PLCH1: variants seen among roughly 807,000 people sequenced by gnomAD.
PLCH1 encodes phospholipase C eta 1.
In PLCH1, 60 loss-of-function variants were observed where a neutral mutation model predicts 126.7. The ratio of observed to expected loss-of-function variants is 0.47; its 90% CI spans 0.38 to 0.59. The LOEUF is 0.59. Ranked by LOEUF, PLCH1 falls within the 20% of genes least tolerant of loss-of-function variation. The probability of loss-of-function intolerance (pLI) is 0.00; values close to 1 mark genes in which losing one functional copy is unlikely to be tolerated. For missense variants in PLCH1, 1,723 were observed against 2,040.0 expected, an observed-to-expected ratio of 0.84 and a Z score of 2.99; for synonymous variants, 719 against 734.9, an observed-to-expected ratio of 0.98 and a Z score of 0.35.
At chr3:155,603,773 C>T (rs1330985322) in intron 2 of PLCH1, among the ~76,000 whole-genome samples, 4 of 151,882 alleles carry the variant, frequency 2.6e-5, no homozygotes, top group Admixed American at 6.6e-5. Context: ...TTACTACAGA[C>T]ATGATTTTTT....
chr3:155,705,356 C>G (rs1274519129), intron 1 of PLCH1, among the ~76,000 whole-genome samples: 4 of 152,138 alleles, frequency 2.6e-5, no homozygotes, highest in Admixed American at 6.5e-5. Context: ...TAATTCCTGC[C>G]TATCCTGCCT....
At chr3:155,462,257 C>G (rs1301204782) in intron 21 of PLCH1, among the ~76,000 whole-genome samples, 1 of 152,114 alleles carries the variant, frequency 6.6e-6, no homozygotes, top group African/African-American at 2.4e-5. Flanking sequence ...TGAGGCACCT[C>G]GTGGCGACTC....
chr3:155,633,026 T>C (rs1738234949), intron 2 of PLCH1, among the ~76,000 whole-genome samples: 1 of 152,174 alleles, frequency 6.6e-6, no homozygotes, highest in African/African-American at 2.4e-5. Flanking sequence ...GATTTTTCCC[T>C]TCCCTGAGTG....
At chr3:155,604,065 C>T (rs1328255743) in intron 2 of PLCH1, among the ~76,000 whole-genome samples, 1 of 152,112 alleles carries the variant, frequency 6.6e-6, no homozygotes, top group Non-Finnish European at 1.5e-5. Context: ...CACCATTGCA[C>T]CCCAGCCTGG....
intron 6 of PLCH1, among the ~76,000 whole-genome samples, chr3:155,582,674 A>T (rs1035678711): frequency 3.9e-5 from 6 of 152,206 alleles, no homozygotes; most frequent in African/African-American, 1.4e-4. Context: ...TATTAAGACG[A>T]TTGGTCCATT....
At chr3:155,643,421 T>C (rs1343027740) in intron 2 of PLCH1, among the ~76,000 whole-genome samples, 3 of 152,172 alleles carry the variant, frequency 2.0e-5, no homozygotes, top group Non-Finnish European at 4.4e-5. Flanking sequence ...TATATACTCA[T>C]GACATACCCT....
At chr3:155,537,190 A>AAC (rs1723483850) in intron 10 of PLCH1, among the ~76,000 whole-genome samples, 1 of 31,450 alleles carries the variant, frequency 3.2e-5, no homozygotes, top group African/African-American at 1.2e-4. Context: ...GCACTACAAA[A>AAC]AAAAAAAAAA....
chr3:155,596,892 G>A (rs1389505366), intron 2 of PLCH1, among the ~76,000 whole-genome samples: 1 of 152,150 alleles, frequency 6.6e-6, no homozygotes, highest in Non-Finnish European at 1.5e-5. Context: ...ATAAATTTCT[G>A]TAAATGTAAT....
chr3:155,664,829 A>AT (rs1313945323), intron 2 of PLCH1, among the ~76,000 whole-genome samples: 1 of 152,222 alleles, frequency 6.6e-6, no homozygotes. Flanking sequence ...CATTTTATAA[A>AT]TAAGAAAACT....
chr3:155,696,400 A>G (rs1407300606), intron 2 of PLCH1, among the ~76,000 whole-genome samples: 1 of 152,212 alleles, frequency 6.6e-6, no homozygotes, highest in Non-Finnish European at 1.5e-5. Flanking sequence ...ATCCAAGGAA[A>G]AAAATCTAGA....
chr3:155,489,656 A>C (rs1299643799), intron 19 of PLCH1, among the ~76,000 whole-genome samples: 1 of 152,220 alleles, frequency 6.6e-6, no homozygotes, highest in Non-Finnish European at 1.5e-5. Context: ...AAATAAGTTA[A>C]TAAGGTATAT....
chr3:155,482,629 T>C lies in PLCH1; in HGVS notation c.3397A>G (p.Asn1133Asp). ...SNLEIKNLEG[N>D]RGKGRAATSF... The stretch of plus-strand genomic sequence containing the variant: ...GTTGCAGCTCGGCCCTTACCCCTAT[T>C]ACCTTCCAGGTTCTTAATTTCTAGG... Residue 1133 changes from asparagine (N) to aspartate (D), a missense_variant, in exon 23 of 23, where the codon AAT (asparagine) becomes GAT (aspartate). Asn to Asp is a conservative substitution (Grantham distance 23). Coordinates refer to ENST00000460012, the MANE Select transcript of PLCH1 (RefSeq NM_014996.4). 2 of 1,614,172 alleles carry C rather than the reference T, an allele frequency of 1.2e-6. No homozygotes were observed. The highest frequency in any genetic ancestry group is 1.1e-5 in the South Asian group (1 of 91,084).
At chr3:155,594,586 ATAAG>A (rs1208433809) in intron 3 of PLCH1, among the ~76,000 whole-genome samples, 1 of 152,138 alleles carries the variant, frequency 6.6e-6, no homozygotes, top group Non-Finnish European at 1.5e-5. Flanking sequence ...AAAAAAATAA[ATAAG>A]TAAGTATGAA....
At chr3:155,468,377 A>C (rs898224333) in intron 21 of PLCH1, among the ~76,000 whole-genome samples, 5 of 152,196 alleles carry the variant, frequency 3.3e-5, no homozygotes, top group African/African-American at 1.2e-4. Context: ...GAAAACGAAC[A>C]ACAAAATGGG....
Position 155,543,019 on chromosome 3 carries a change from C to T in PLCH1, c.1362+6768G>A, listed in dbSNP as rs1026441072. Reference sequence around the variant, plus strand: ...AAGGAACGCAGCTCCTCACCAGCAACGGAACAAAGCTGGATGGACAATGAC... The same window carrying T: ...AAGGAACGCAGCTCCTCACCAGCAATGGAACAAAGCTGGATGGACAATGAC... On this transcript the variant is annotated intron_variant, in intron 10 of 22. Transcript: ENST00000460012. Among the ~76,000 whole-genome samples, 8 of 152,318 alleles carry T rather than the reference C, an allele frequency of 5.3e-5. 1 individual carries two copies. In the South Asian group the frequency reaches 8.3e-4, roughly 16 times the overall value.
At chr3:155,724,977 G>C (rs1190301184) in intron 1 of PLCH1, among the ~76,000 whole-genome samples, 29 of 152,068 alleles carry the variant, frequency 1.9e-4, no homozygotes, top group Admixed American at 1.8e-3. Context: ...CTTAGTAGTT[G>C]TGAATTTTCT....
chr3:155,712,787 C>T (rs916317892), intron 1 of PLCH1, among the ~76,000 whole-genome samples: 4 of 147,508 alleles, frequency 2.7e-5, no homozygotes, highest in Admixed American at 2.0e-4. Flanking sequence ...AGAAGGGGCC[C>T]TTTTTTTTTT....
intron 10 of PLCH1, 63 bp from the exon 11 acceptor site, chr3:155,524,067 A>G: frequency 1.1e-6 from 1 of 939,810 alleles, no homozygotes. Context: ...CAAAAGGTGG[A>G]AGTAACCCAA....
intron 14 of PLCH1, among the ~76,000 whole-genome samples, chr3:155,498,085 T>C (rs138576731): frequency 2.0e-4 from 30 of 152,360 alleles, no homozygotes; most frequent in African/African-American, 7.2e-4. Flanking sequence ...CGTCCCACTC[T>C]GGACATGAGT....
Sources: allele counts gnomAD v4.1 joint callset (sites outside exome capture counted in the v4.1 genomes callset), GRCh38; gene constraint gnomAD v4.1.1; transcripts MANE v1.5; gene names NCBI Gene and HGNC (gene_info 2026-07-23, HGNC 2026-07-21).